DNA2: variants seen among roughly 807,000 people sequenced by gnomAD.
DNA2 encodes DNA replication helicase/nuclease 2, also known as DNA replication ATP-dependent helicase/nuclease DNA2.
DNA2 carries 101 observed loss-of-function variants against 119.1 expected under a neutral mutation model. The observed-to-expected ratio is 0.85, with a 90% confidence interval of 0.72 to 1.00. The LOEUF (loss-of-function observed/expected upper bound fraction) is 1.00, where lower values mean the gene tolerates loss of function less well. Among genes scored for constraint, DNA2 ranks in the 50% least tolerant of loss-of-function variants. The pLI is 0.00. For missense variants in DNA2, 1,121 were observed against 1,255.5 expected, an observed-to-expected ratio of 0.89 and a Z score of 1.62; for synonymous variants, 366 against 424.4, an observed-to-expected ratio of 0.86 and a Z score of 1.69.
Position 68,422,248 on chromosome 10 carries a change from C to T in DNA2, c.2674G>A (p.Val892Ile). 1 of 1,601,360 alleles carries T rather than the reference C, an allele frequency of 6.2e-7. No individual in the cohort carries two copies. The highest frequency in any genetic ancestry group is 8.5e-7 in the Non-Finnish European group (1 of 1,175,540). The change falls in exon 17 of 21, where the codon GTT (valine) becomes ATT (isoleucine). Residue 892 changes from valine to isoleucine, a missense_variant. Physicochemically the swap from Val to Ile is conservative, Grantham distance 29. Transcript: ENST00000358410. ...ACCTTGTCTGTATTAAGGAAACAAA[C>T]AGGATTGTTGGGTTCAAATACTCCC... Reference protein sequence around the residue: ...LMGVFEPNNPVCFLNTDKVPA... With the variant: ...LMGVFEPNNPICFLNTDKVPA...
In DNA2 at chr10:68,419,773, T is replaced by TA. The variant is rs775879754; in HGVS notation, c.2787+29dup. 12 of 1,511,610 alleles carry TA rather than the reference T, an allele frequency of 7.9e-6. No homozygotes were observed. The East Asian group carries it at 2.7e-4, about 34-fold the overall frequency. The allele number at this position is 1,511,610 out of a possible 1,614,324, so 93.6% of individuals were successfully genotyped here. A position where few individuals can be genotyped will look rare whatever the true frequency, so the allele number is the denominator to read the frequency against. On this transcript the variant is annotated intron_variant, in intron 18 of 20. Coordinates refer to ENST00000358410, the MANE Select transcript of DNA2 (RefSeq NM_001080449.3). ...AACATTCTTTTATTCTGCACTTTAA[T>TA]ATTTGCTAGCCTTGAAAATTCTAAA...
intron 14 of DNA2, among the ~76,000 whole-genome samples, chr10:68,429,725 A>G (rs1363411609): frequency 6.7e-6 from 1 of 148,464 alleles, no homozygotes; most frequent in Non-Finnish European, 1.5e-5. Flanking sequence ...AAAAAAAAAA[A>G]AAAAAAGAAA....
chr10:68,451,016 C>T (rs553355205), intron 5 of DNA2, among the ~76,000 whole-genome samples: 20 of 150,480 alleles, frequency 1.3e-4, no homozygotes, highest in Non-Finnish European at 2.5e-4. Context: ...AGGAGAATTG[C>T]TTGAACCCAG....
intron 13 of DNA2, 26 bp downstream of exon 13, chr10:68,431,836 T>C (rs1209118761): frequency 3.4e-6 from 5 of 1,491,968 alleles, no homozygotes; most frequent in Middle Eastern, 3.4e-4. Flanking sequence ...ATATTTTGTC[T>C]CTAAGCAGAA....
chr10:68,438,653 A>G lies in DNA2; in HGVS notation c.1416-1412T>C, dbSNP rs140181840. ...ATATGCAGTCTAACTACAATTAAATAAACTTTCTCCACAGCAATGTTATCT... is the reference window on the plus strand; with the variant it reads ...ATATGCAGTCTAACTACAATTAAATGAACTTTCTCCACAGCAATGTTATCT... On this transcript the variant is annotated intron_variant, in intron 9 of 20. Transcript: ENST00000358410. 9.0e-3 allele frequency among the ~76,000 whole-genome samples: 1,369 copies of G among 152,346 alleles called. 23 individuals are homozygous for G. Among genetic ancestry groups the G allele is most frequent in the African/African-American group, 0.031 (1,275 of 41,578 alleles).
At chr10:68,428,619 T>C (rs2051774661) in intron 14 of DNA2, among the ~76,000 whole-genome samples, 1 of 152,222 alleles carries the variant, frequency 6.6e-6, no homozygotes. Context: ...ACATCCATGC[T>C]ATGGAAAAAT....
intron 6 of DNA2, 146 bp from the exon 7 acceptor site, chr10:68,446,559 A>G (rs2052042942): frequency 4.8e-6 from 3 of 620,838 alleles, no homozygotes; most frequent in Non-Finnish European, 8.4e-6. Flanking sequence ...ATTGGTAAAG[A>G]TAACACAACA....
At position 68,454,634 on chromosome 10, in the gene DNA2, C is replaced by T. The variant is rs139535345; in HGVS notation, c.720-4387G>A. On this transcript the variant is annotated intron_variant, in intron 5 of 20. Coordinates refer to ENST00000358410, the MANE Select transcript of DNA2 (RefSeq NM_001080449.3). ...CAGCCTGGTCAGCATGGTGAAACTCCGTCTCTACTAAAAATGCAAAAATTA... is the reference window on the plus strand; with the variant it reads ...CAGCCTGGTCAGCATGGTGAAACTCTGTCTCTACTAAAAATGCAAAAATTA... Among the ~76,000 whole-genome samples the T allele has an allele frequency of 1.8e-3, 266 of 151,892 alleles. 1 individual carries two copies. Among genetic ancestry groups the T allele is most frequent in the African/African-American group, 5.9e-3 (246 of 41,480 alleles).
intron 1 of DNA2, chr10:68,470,541 G>A (rs2052372239): frequency 6.8e-6 from 3 of 441,632 alleles, no homozygotes; most frequent in Non-Finnish European, 9.0e-6. Context: ...TTGAGCCCAG[G>A]AGTTTGAGGC....
At chr10:68,452,555 A>C (rs557729068) in intron 5 of DNA2, among the ~76,000 whole-genome samples, 1 of 148,004 alleles carries the variant, frequency 6.8e-6, no homozygotes, top group East Asian at 2.0e-4. Context: ...CTGGAAAAAG[A>C]AGCAATGTGG....
At chr10:68,463,711 G>T (rs1473496147) in intron 4 of DNA2, among the ~76,000 whole-genome samples, 2 of 151,044 alleles carry the variant, frequency 1.3e-5, no homozygotes, top group Non-Finnish European at 2.9e-5. Context: ...TTTCTCACTT[G>T]CTTAAGGGAG....
At position 68,468,198 on chromosome 10, in the gene DNA2, G is replaced by A. The variant is rs756040874; in HGVS notation, c.366C>T (p.Asp122=). The A allele has an allele frequency of 1.2e-6, 2 of 1,612,224 alleles. No homozygotes were observed. Among genetic ancestry groups the A allele is most frequent in the Admixed American group, 3.3e-5 (2 of 59,788 alleles). The change falls in exon 3 of 21, where the codon GAC becomes GAT. Residue 122 remains aspartate, a synonymous_variant. Transcript: ENST00000358410. Reference sequence around the variant, plus strand: ...CTATGCTGGTGCCAGAAATCAGCATGTCTGGATACAGAATCAAATATCCAA... The same window carrying A: ...CTATGCTGGTGCCAGAAATCAGCATATCTGGATACAGAATCAAATATCCAA... ...KDFGYLILYP[D]MLISGTSIAS... is the part of the protein sequence containing the mutation.
intron 1 of DNA2, chr10:68,470,424 T>A: frequency 2.5e-6 from 1 of 393,046 alleles, no homozygotes; most frequent in South Asian, 2.6e-5. Context: ...TGTAAAGCGT[T>A]CTGTGGGACA....
chr10:68,444,371 C>T (rs182801355), intron 8 of DNA2, among the ~76,000 whole-genome samples: 1 of 151,534 alleles, frequency 6.6e-6, no homozygotes, highest in East Asian at 1.9e-4. Flanking sequence ...GCCCTAGTGA[C>T]AGAGTGAGAC....
chr10:68,444,842 C>T (rs1482758112), intron 8 of DNA2, 79 bp downstream of exon 8: 9 of 1,000,384 alleles, frequency 9.0e-6, no homozygotes, highest in East Asian at 2.7e-5. Context: ...TATCAATGCC[C>T]GTCTGGCCAC....
intron 14 of DNA2, chr10:68,424,855 C>G: frequency 1.3e-6 from 1 of 791,288 alleles, no homozygotes; most frequent in Non-Finnish European, 2.3e-6. Flanking sequence ...CACGTGGGTA[C>G]TCACCCAAAC....
In DNA2 at chr10:68,422,544, T is replaced by A. The variant is rs755953324; in HGVS notation, c.2463A>T (p.Val821=). ...KRLEQNKSAV[V]QLTVQYRMNS... ...TCATTCTGTACTGCACGGTTAACTG[T>A]ACAACAGCACTCTTATTCTGCTCCA... Residue 821 remains valine, a synonymous_variant, in exon 16 of 21, where the codon GTA becomes GTT. Coordinates refer to ENST00000358410, the MANE Select transcript of DNA2 (RefSeq NM_001080449.3). 6.2e-7 allele frequency: 1 copy of A among 1,614,046 alleles called. No individual in the cohort carries two copies. The highest frequency in any genetic ancestry group is 8.5e-7 in the Non-Finnish European group (1 of 1,179,890).
intron 17 of DNA2, among the ~76,000 whole-genome samples, chr10:68,421,097 C>A (rs2051659317): frequency 6.6e-6 from 1 of 152,016 alleles, no homozygotes; most frequent in African/African-American, 2.4e-5. Context: ...CCACCACACC[C>A]AGTTAAGTTT....
At chr10:68,472,081 T>G (rs1269132099), upstream of DNA2, 2 of 1,569,728 alleles carry the variant, frequency 1.3e-6, no homozygotes, top group Non-Finnish European at 1.7e-6. Context: ...GTCCCCTGCC[T>G]TTGCTCCCTT....
Sources: gnomAD v4.1 joint callset for allele counts (sites outside exome capture counted in the v4.1 genomes callset) on GRCh38, gnomAD v4.1.1 for gene constraint, MANE v1.5 for transcripts, NCBI Gene and HGNC (gene_info 2026-07-23, HGNC 2026-07-21) for gene names.